Variants in MYO16 observed in about 807,000 individuals in gnomAD.
MYO16 encodes unconventional myosin-XVI.
Under a neutral mutation model 205.3 loss-of-function variants are expected in MYO16, and 94 were observed. That is an observed-to-expected ratio of 0.46 (90% CI 0.39 to 0.54). The LOEUF (loss-of-function observed/expected upper bound fraction) is 0.54, where lower values mean the gene tolerates loss of function less well. MYO16 is among the 20% of genes least tolerant of loss of function. The pLI is 0.00. For synonymous variants in MYO16, 988 were observed against 954.0 expected (o/e 1.04, Z -0.66); for missense variants, 2,315 against 2,387.5 (o/e 0.97, Z 0.63).
intron 33 of MYO16, chr13:109,167,261 G>A (rs1157832848): frequency 1.3e-5 from 2 of 152,128 alleles, no homozygotes; most frequent in Admixed American, 1.3e-4. Context: ...CCTGGAGGTG[G>A]GCTCACCAGC....
At chr13:108,656,931 T>C (rs1881271866) in intron 1 of MYO16, among the ~76,000 whole-genome samples, 1 of 152,192 alleles carries the variant, frequency 6.6e-6, no homozygotes. Context: ...GTTTCCTTGG[T>C]GCTCTATGGA....
At chr13:108,739,811 A>G (rs146952617) in intron 4 of MYO16, among the ~76,000 whole-genome samples, 1 of 152,124 alleles carries the variant, frequency 6.6e-6, no homozygotes, top group African/African-American at 2.4e-5. Context: ...ATAGTCCCAT[A>G]TTTCTTGGAG....
chr13:108,654,855 C>G (rs1396896836), intron 1 of MYO16, among the ~76,000 whole-genome samples: 1 of 152,160 alleles, frequency 6.6e-6, no homozygotes, highest in African/African-American at 2.4e-5. Context: ...TGCCCCTACA[C>G]TAGAGAATTG....
At chr13:109,019,214 A>G (rs914446205) in intron 22 of MYO16, among the ~76,000 whole-genome samples, 4 of 152,220 alleles carry the variant, frequency 2.6e-5, no homozygotes, top group African/African-American at 9.6e-5. Context: ...CCTGAGCTCA[A>G]TGACCTGGCT....
intron 3 of MYO16, among the ~76,000 whole-genome samples, chr13:108,716,753 T>C (rs557481864): frequency 6.6e-6 from 1 of 152,162 alleles, no homozygotes; most frequent in African/African-American, 2.4e-5. Flanking sequence ...AATGCGAGTG[T>C]GGGCATCAAG....
intron 4 of MYO16, among the ~76,000 whole-genome samples, chr13:108,761,260 C>G (rs574979288): frequency 6.6e-6 from 1 of 152,278 alleles, no homozygotes; most frequent in South Asian, 2.1e-4. Context: ...TTGACCCTTC[C>G]CAAAATACAG....
At chr13:108,572,982 G>T in the MYO16 span, among the ~76,000 whole-genome samples, 2 of 152,168 alleles carry the variant, frequency 1.3e-5, no homozygotes, top group Non-Finnish European at 2.9e-5. Flanking sequence ...CTGTGACTCA[G>T]GCAGAAGGAG....
chr13:108,538,086 G>A, the MYO16 span, among the ~76,000 whole-genome samples: 1 of 152,022 alleles, frequency 6.6e-6, no homozygotes, highest in Non-Finnish European at 1.5e-5. Context: ...CTTTGCTGAG[G>A]CCAATGTCCA....
At chr13:108,896,209 G>GTCCC (rs1880405761) in intron 14 of MYO16, among the ~76,000 whole-genome samples, 1 of 151,922 alleles carries the variant, frequency 6.6e-6, no homozygotes, top group African/African-American at 2.4e-5. Context: ...TATTTTTAAA[G>GTCCC]ATTATCCTAT....
rs73618310 is a variant in MYO16 at position 109,043,685 on chromosome 13, G to C, written c.2797-3231G>C. On this transcript the variant is annotated intron_variant, in intron 23 of 34. Transcript: ENST00000457511. ...TGAAGGTAGTAAATATAAAAAAGCA[G>C]GGATTGAAGGGAAAATGAGGGGAAA... 7.0e-3 allele frequency among the ~76,000 whole-genome samples: 1,060 copies of C among 152,252 alleles called. 9 individuals are homozygous for C. Among genetic ancestry groups the C allele is most frequent in the African/African-American group, 0.024 (1,000 of 41,536 alleles).
chr13:109,037,370 G>T (rs939427938), intron 23 of MYO16, among the ~76,000 whole-genome samples: 1 of 152,166 alleles, frequency 6.6e-6, no homozygotes, highest in African/African-American at 2.4e-5. Flanking sequence ...TTCTTAGGAA[G>T]CATTTCCTTC....
the MYO16 span, among the ~76,000 whole-genome samples, chr13:108,581,893 G>GAAAAAAAAGA: frequency 4.1e-5 from 5 of 122,088 alleles, no homozygotes; most frequent in African/African-American, 1.6e-4. Flanking sequence ...AAAAAAAAAA[G>GAAAAAAAAGA]AAAAAAAAAA....
chr13:108,667,540 T>C (rs1483164405), intron 2 of MYO16, among the ~76,000 whole-genome samples: 5 of 152,136 alleles, frequency 3.3e-5, no homozygotes, highest in Admixed American at 3.3e-4. Context: ...GGCCATCTCC[T>C]CTGTGAGTCT....
intron 3 of MYO16, among the ~76,000 whole-genome samples, chr13:108,714,889 G>A (rs748696700): frequency 3.9e-5 from 6 of 151,958 alleles, no homozygotes; most frequent in African/African-American, 9.7e-5. Flanking sequence ...TCATCCCCTC[G>A]ACAGCTGCCA....
chr13:108,903,072 T>G (rs1397227711), intron 15 of MYO16, among the ~76,000 whole-genome samples: 1 of 152,208 alleles, frequency 6.6e-6, no homozygotes, highest in East Asian at 1.9e-4. Flanking sequence ...TATCAGATGG[T>G]GCCAGTTTCC....
At chr13:109,174,690 C>T (rs116879462) in intron 33 of MYO16, among the ~76,000 whole-genome samples, 3,346 of 151,888 alleles carry the variant, frequency 0.022, 55 homozygotes, top group Middle Eastern at 0.038. Context: ...AACCGGTCAG[C>T]CATGTAAAAT....
chr13:108,956,042 C>T (rs1175244329), intron 16 of MYO16, among the ~76,000 whole-genome samples: 1 of 152,156 alleles, frequency 6.6e-6, no homozygotes. Context: ...AGATCCTATT[C>T]TCTAGTGTTT....
rs866644846 is a variant in MYO16 at position 109,018,977 on chromosome 13, T to A, written c.2596-734T>A. ...GACATACTCTGTTTTTTTTTTTGTT[T>A]TTTTTTTTTTGAGGCAGGGTTGCGT... On this transcript the variant is annotated intron_variant, in intron 22 of 34. Transcript: ENST00000457511. Among the ~76,000 whole-genome samples, 3 of 151,380 alleles carry A rather than the reference T, an allele frequency of 2.0e-5. No homozygotes were observed. In the East Asian group the frequency reaches 5.8e-4, roughly 29 times the overall value.
intron 7 of MYO16, among the ~76,000 whole-genome samples, chr13:108,811,698 C>T (rs1440689893): frequency 6.6e-6 from 1 of 152,096 alleles, no homozygotes; most frequent in Non-Finnish European, 1.5e-5. Flanking sequence ...AAACTCCTAC[C>T]CAGTGGACTG....
Sources: gnomAD v4.1 joint callset for allele counts (sites outside exome capture counted in the v4.1 genomes callset) on GRCh38, gnomAD v4.1.1 for gene constraint, MANE v1.5 for transcripts, NCBI Gene and HGNC (gene_info 2026-07-23, HGNC 2026-07-21) for gene names.